The following ACSL5 variants were observed in gnomAD, a reference collection of about 807,000 sequenced individuals.
The protein encoded by ACSL5 is long-chain-fatty-acid--CoA ligase 5.
Under a neutral mutation model 84.9 loss-of-function variants are expected in ACSL5, and 50 were observed. That is an observed-to-expected ratio of 0.59 (90% CI 0.47 to 0.75). The LOEUF (loss-of-function observed/expected upper bound fraction) is 0.75, where lower values mean the gene tolerates loss of function less well. Ranked by LOEUF, ACSL5 falls within the 30% of genes least tolerant of loss-of-function variation. The probability of loss-of-function intolerance (pLI) is 0.00; values close to 1 mark genes in which losing one functional copy is unlikely to be tolerated. For synonymous variants in ACSL5, 280 were observed against 300.7 expected, an observed-to-expected ratio of 0.93 and a Z score of 0.71; for missense variants, 775 against 830.4, an observed-to-expected ratio of 0.93 and a Z score of 0.82.
At chr10:112,409,849 A>G (rs748194439) in intron 7 of ACSL5, among the ~76,000 whole-genome samples, 164 bp downstream of exon 7, 4 of 152,230 alleles carry the variant, frequency 2.6e-5, no homozygotes, top group Non-Finnish European at 4.4e-5. Flanking sequence ...TCCACAAGAC[A>G]ACTTTGAAAC....
At chr10:112,418,122 TA>T (rs1283222511) in intron 14 of ACSL5, among the ~76,000 whole-genome samples, 181 bp downstream of exon 14, 1 of 152,206 alleles carries the variant, frequency 6.6e-6, no homozygotes, top group Non-Finnish European at 1.5e-5. Context: ...AACCTTCACA[TA>T]AATAAAACCA....
intron 1 of ACSL5, chr10:112,375,386 C>T (rs908868457): frequency 6.6e-6 from 1 of 152,154 alleles, no homozygotes; most frequent in African/African-American, 2.4e-5. Context: ...GACTGTGGCA[C>T]AGCTCACCCT....
chr10:112,374,901 ATTG>A (rs1198405682), intron 1 of ACSL5, among the ~76,000 whole-genome samples: 1 of 152,106 alleles, frequency 6.6e-6, no homozygotes, highest in Non-Finnish European at 1.5e-5. Context: ...ATAATGCAGA[ATTG>A]TTGTGGGTTG....
intron 9 of ACSL5, among the ~76,000 whole-genome samples, chr10:112,411,171 G>A (rs1299399890): frequency 5.9e-5 from 9 of 152,268 alleles, no homozygotes; most frequent in African/African-American, 2.2e-4. Flanking sequence ...GGGGCAGAGG[G>A]ACAAGGAGGG....
At chr10:112,388,750 G>A (rs950203101) in intron 1 of ACSL5, among the ~76,000 whole-genome samples, 2 of 152,172 alleles carry the variant, frequency 1.3e-5, no homozygotes, top group Non-Finnish European at 2.9e-5. Flanking sequence ...CAAAGTCCAT[G>A]ACACTGACTG....
At chr10:112,388,087 C>A (rs545732026) in intron 1 of ACSL5, among the ~76,000 whole-genome samples, 1 of 151,920 alleles carries the variant, frequency 6.6e-6, no homozygotes, top group South Asian at 2.1e-4. Context: ...TACAGGCATG[C>A]GCCACCAAGC....
chr10:112,427,049 C>T (rs377159775), intron 20 of ACSL5, among the ~76,000 whole-genome samples, 169 bp from the exon 21 acceptor site: 1 of 152,194 alleles, frequency 6.6e-6, no homozygotes, highest in Non-Finnish European at 1.5e-5. Context: ...ATTCTCCCTT[C>T]TCCCTACTCA....
In ACSL5 at chr10:112,387,070, A is replaced by G. The variant is rs527790927; in HGVS notation, c.-29-7848A>G. 1.5e-3 allele frequency among the ~76,000 whole-genome samples: 235 copies of G among 152,172 alleles called. 1 individual carries two copies. Among genetic ancestry groups the G allele is most frequent in the African/African-American group, 5.5e-3 (228 of 41,510 alleles). On this transcript the variant is annotated intron_variant, in intron 1 of 20. Coordinates refer to ENST00000354655, the MANE Select transcript of ACSL5 (RefSeq NM_203379.2). ...ATTTTTATGTCAGATCTGAATGTTG[A>G]CCCCTTGGATTTTGAATCATTTTAA...
At chr10:112,397,727 C>A (rs1843779185) in intron 2 of ACSL5, among the ~76,000 whole-genome samples, 1 of 152,176 alleles carries the variant, frequency 6.6e-6, no homozygotes, top group Admixed American at 6.5e-5. Context: ...TAATCCATTT[C>A]CTCCAAATTC....
chr10:112,396,268 T>C (rs985827101), intron 2 of ACSL5: 2 of 152,330 alleles, frequency 1.3e-5, no homozygotes, highest in East Asian at 3.9e-4. Context: ...CCTCTCTTCA[T>C]AATAGGGTTT....
rs1417459550 is a variant in ACSL5 at position 112,411,532 on chromosome 10, C to T, written c.870+3C>T. On this transcript the variant is annotated splice_donor_region_variant and intron_variant, in intron 10 of 20. Coordinates refer to ENST00000354655, the MANE Select transcript of ACSL5 (RefSeq NM_203379.2). ...CTGCCTTTCTCAAATGTGTGGAGGT[C>T]AGTGGTCAGTTGAAAAAGAGGCTCT... The T allele has an allele frequency of 6.2e-7, 1 of 1,611,810 alleles. No homozygotes were observed. Among genetic ancestry groups the T allele is most frequent in the Non-Finnish European group, 8.5e-7 (1 of 1,178,010 alleles).
rs142262150 is a variant in ACSL5 at position 112,412,855 on chromosome 10, T to C, written c.949-318T>C. 7.9e-3 allele frequency among the ~76,000 whole-genome samples: 1,202 copies of C among 151,590 alleles called. 2 individuals carry two copies. The highest frequency in any genetic ancestry group is 0.012 in the Non-Finnish European group (796 of 67,872). On this transcript the variant is annotated intron_variant, in intron 11 of 20. Coordinates refer to ENST00000354655, the MANE Select transcript of ACSL5 (RefSeq NM_203379.2). ...AATTGCGTCTTACAAAGGATGATTA[T>C]CTTAGACTGTCACACAGACCTGTGG... is the stretch of plus-strand genomic sequence containing the variant.
At position 112,426,790 on chromosome 10, in the gene ACSL5, T is replaced by C; in HGVS notation, c.1842T>C (p.Val614=). Residue 614 remains valine, a splice_region_variant and synonymous_variant, in exon 20 of 21, where the codon GTT becomes GTC. Coordinates refer to ENST00000354655, the MANE Select transcript of ACSL5 (RefSeq NM_203379.2). ...GSFEELCQNQ[V]VREAILEDLQ... ...TAAGTGATGTTTTGTATTCTTAGGT[T>C]GTAAGGGAAGCCATTTTAGAAGACT... 1 of 1,613,896 alleles carries C rather than the reference T, an allele frequency of 6.2e-7. No individual in the cohort carries two copies. The highest frequency in any genetic ancestry group is 8.5e-7 in the Non-Finnish European group (1 of 1,179,818).
intron 13 of ACSL5, 147 bp downstream of exon 13, chr10:112,417,169 T>G: frequency 3.1e-6 from 2 of 636,872 alleles, no homozygotes; most frequent in East Asian, 6.4e-5. Flanking sequence ...GAGATCTTTC[T>G]TGTACCACTT....
At chr10:112,399,495 C>G (rs1056748907) in intron 3 of ACSL5, among the ~76,000 whole-genome samples, 13 of 152,350 alleles carry the variant, frequency 8.5e-5, no homozygotes, top group African/African-American at 3.1e-4. Flanking sequence ...TACCATCCTA[C>G]TGACCAAAGT....
chr10:112,413,351 C>G, intron 12 of ACSL5, 44 bp downstream of exon 12: 1 of 1,607,602 alleles, frequency 6.2e-7, no homozygotes, highest in Admixed American at 1.7e-5. Context: ...CTTGGGCCTG[C>G]ACGAAGGAAC....
chr10:112,379,332 G>A (rs1241651877), intron 1 of ACSL5, among the ~76,000 whole-genome samples: 1 of 151,588 alleles, frequency 6.6e-6, no homozygotes, highest in African/African-American at 2.4e-5. Flanking sequence ...TTGAACCCAG[G>A]AGGCGGAGGT....
chr10:112,426,404 C>T (rs375519939), intron 19 of ACSL5, 45 bp downstream of exon 19: 245 of 1,527,238 alleles, frequency 1.6e-4, no homozygotes, highest in Non-Finnish European at 2.1e-4. Flanking sequence ...ATGGGCCCAT[C>T]GTGGAGGAGA....
At position 112,421,630 on chromosome 10, in the gene ACSL5, G is replaced by T. The variant is rs1329659490; in HGVS notation, c.1352G>T (p.Gly451Val). The stretch of plus-strand genomic sequence containing the variant: ...TATGGTCAAACAGAATGCACAGGTG[G>T]CTGTACATTTACATTACCTGGGGAC... ...EAYGQTECTG[G>V]CTFTLPGDWT... The change falls in exon 15 of 21, where the codon GGC (glycine) becomes GTC (valine). Residue 451 changes from glycine (G) to valine (V), a missense_variant. Transcript: ENST00000354655. 6.2e-7 allele frequency: 1 copy of T among 1,614,158 alleles called. No homozygotes were observed. The highest frequency in any genetic ancestry group is 2.2e-5 in the East Asian group (1 of 44,882).
Sources: gnomAD v4.1 joint callset for allele counts (sites outside exome capture counted in the v4.1 genomes callset) on GRCh38, gnomAD v4.1.1 for gene constraint, MANE v1.5 for transcripts, NCBI Gene and HGNC (gene_info 2026-07-23, HGNC 2026-07-21) for gene names.